The following ACOXL variants were observed in gnomAD, a reference collection of about 807,000 sequenced individuals.
The protein encoded by ACOXL is acyl-CoA oxidase like.
Under a neutral mutation model 71.9 loss-of-function variants are expected in ACOXL, and 70 were observed. The observed-to-expected ratio is 0.97, with a 90% CI of 0.80 to 1.19. The LOEUF (loss-of-function observed/expected upper bound fraction) is 1.19, where lower values mean the gene tolerates loss of function less well. Among genes scored for constraint, ACOXL ranks in the 50% most tolerant of loss-of-function variants. The probability of loss-of-function intolerance (pLI) is 0.00; values close to 1 mark genes in which losing one functional copy is unlikely to be tolerated. For synonymous variants in ACOXL, 253 were observed against 281.6 expected (o/e 0.90, Z 1.02); for missense variants, 703 against 736.3 (o/e 0.95, Z 0.52).
rs188403156 is a variant in ACOXL, at chr2:110,923,860, C to T, written c.906-9629C>T. On this transcript the variant is annotated intron_variant, in intron 11 of 17. Coordinates refer to ENST00000439055, the MANE Select transcript of ACOXL (RefSeq NM_001142807.4). The stretch of plus-strand genomic sequence containing the variant: ...CTGAGGCAGGAGAATTGCTTGAACT[C>T]AGGAGTCAGAGGTTGCAGTGAGCTG... Among the ~76,000 whole-genome samples, 306 of 151,584 alleles carry T rather than the reference C, an allele frequency of 2.0e-3. 2 individuals are homozygous for T. The highest frequency in any genetic ancestry group is 7.2e-3 in the African/African-American group (297 of 41,260).
chr2:110,859,694 G>A (rs1203610921), intron 10 of ACOXL, among the ~76,000 whole-genome samples: 1 of 152,198 alleles, frequency 6.6e-6, no homozygotes, highest in Non-Finnish European at 1.5e-5. Context: ...GCAAACAAGA[G>A]GGTTGGATGG....
chr2:111,111,024 TTGAG>T (rs139541361), intron 17 of ACOXL, among the ~76,000 whole-genome samples: 10,873 of 152,314 alleles, frequency 0.071, 518 homozygotes, highest in Non-Finnish European at 0.11. Context: ...TTATTCCTTC[TTGAG>T]TATGTTTGCA....
chr2:110,770,516 T>C (rs964349943), intron 2 of ACOXL, among the ~76,000 whole-genome samples: 3 of 152,220 alleles, frequency 2.0e-5, no homozygotes, highest in African/African-American at 7.2e-5. Context: ...AGATGGATGT[T>C]CACTTGGCAC....
At chr2:111,082,735 A>G (rs759789430) in intron 16 of ACOXL, among the ~76,000 whole-genome samples, 15 of 152,310 alleles carry the variant, frequency 9.8e-5, no homozygotes, top group East Asian at 1.9e-4. Context: ...ACATGCACAC[A>G]TATGTTTATT....
intron 11 of ACOXL, among the ~76,000 whole-genome samples, chr2:110,923,936 CAAA>C (rs937466509): frequency 8.1e-6 from 1 of 123,642 alleles, no homozygotes. Context: ...GACTCCATCT[CAAA>C]AAAAAAAAAA....
At chr2:110,998,439 C>G (rs1356657782) in intron 14 of ACOXL, among the ~76,000 whole-genome samples, 1 of 152,220 alleles carries the variant, frequency 6.6e-6, no homozygotes, top group Non-Finnish European at 1.5e-5. Flanking sequence ...CAAAGACACT[C>G]CAGTGCGGCT....
chr2:110,897,989 C>G (rs921955430), intron 10 of ACOXL, among the ~76,000 whole-genome samples: 1 of 151,940 alleles, frequency 6.6e-6, no homozygotes, highest in Non-Finnish European at 1.5e-5. Context: ...AAATTGAAAA[C>G]TTAGAGTAAA....
chr2:111,095,545 C>T (rs1042095364), intron 17 of ACOXL, among the ~76,000 whole-genome samples: 1 of 152,088 alleles, frequency 6.6e-6, no homozygotes, highest in African/African-American at 2.4e-5. Flanking sequence ...CACCCGCCAC[C>T]ATGCCTGACT....
Position 110,891,849 on chromosome 2 carries a change from T to C in ACOXL, c.789-16940T>C, listed in dbSNP as rs554405746. On this transcript the variant is annotated intron_variant, in intron 10 of 17. Coordinates refer to ENST00000439055, the MANE Select transcript of ACOXL (RefSeq NM_001142807.4). ...CCATGACAGGGGTGGTACAAGGACC[T>C]TGGCCTCCTGACTCTTGGCAGGTTC... 6.6e-4 allele frequency among the ~76,000 whole-genome samples: 100 copies of C among 152,134 alleles called. No homozygotes were observed. The Middle Eastern group carries it at 0.017, about 26-fold the overall frequency.
chr2:111,025,159 A>T (rs1442612464), intron 14 of ACOXL, among the ~76,000 whole-genome samples: 1 of 152,124 alleles, frequency 6.6e-6, no homozygotes, highest in East Asian at 1.9e-4. Context: ...GGAACAGCTT[A>T]GGTTTGTTCC....
chr2:110,889,708 T>C (rs1241864891), intron 10 of ACOXL, among the ~76,000 whole-genome samples: 3 of 152,234 alleles, frequency 2.0e-5, no homozygotes, highest in Non-Finnish European at 2.9e-5. Context: ...TATTCCTTTG[T>C]ATACCTATAC....
intron 10 of ACOXL, among the ~76,000 whole-genome samples, chr2:110,863,541 T>A (rs932077): frequency 0.3 from 45,972 of 151,896 alleles, 7,321 homozygotes; most frequent in Non-Finnish European, 0.35. Context: ...GGAAAAAAAA[T>A]TAAAAATAAG....
At chr2:111,105,741 T>G (rs1339856719) in intron 17 of ACOXL, among the ~76,000 whole-genome samples, 1 of 152,134 alleles carries the variant, frequency 6.6e-6, no homozygotes, top group Admixed American at 6.5e-5. Flanking sequence ...AATCTAGAAG[T>G]TCTTATAGAT....
At chr2:110,915,386 ATG>A (rs572051282) in intron 11 of ACOXL, among the ~76,000 whole-genome samples, 34 of 123,202 alleles carry the variant, frequency 2.8e-4, no homozygotes, top group East Asian at 1.7e-3. Context: ...GTGTGTATGT[ATG>A]TGTGTGTGTG....
intron 2 of ACOXL, among the ~76,000 whole-genome samples, chr2:110,782,285 C>T (rs1269293232): frequency 6.6e-6 from 1 of 151,932 alleles, no homozygotes; most frequent in Non-Finnish European, 1.5e-5. Flanking sequence ...GCTGCCATTT[C>T]AATGAGAGGT....
chr2:110,758,357 A>G (rs1325607846), intron 1 of ACOXL, among the ~76,000 whole-genome samples: 1 of 151,884 alleles, frequency 6.6e-6, no homozygotes, highest in Non-Finnish European at 1.5e-5. Context: ...TTTCCTTAGG[A>G]TTGTCTTGGT....
At chr2:111,092,836 C>A (rs757884064) in intron 16 of ACOXL, 29 bp from the exon 17 acceptor site, 11 of 1,486,224 alleles carry the variant, frequency 7.4e-6, no homozygotes, top group Non-Finnish European at 9.4e-6. Context: ...GCTATTTGTC[C>A]ATTTCTTTTG....
intron 9 of ACOXL, among the ~76,000 whole-genome samples, chr2:110,821,046 A>C (rs1372279996): frequency 3.3e-5 from 5 of 151,100 alleles, no homozygotes; most frequent in Non-Finnish European, 4.4e-5. Context: ...TGTATGGAAA[A>C]CTCTATGGCA....
At chr2:110,760,023 G>A (rs548999627) in intron 1 of ACOXL, among the ~76,000 whole-genome samples, 1 of 151,674 alleles carries the variant, frequency 6.6e-6, no homozygotes, top group East Asian at 1.9e-4. Flanking sequence ...CTGTATAAAA[G>A]CTATTGATTT....
Sources: gnomAD v4.1 joint callset for allele counts (sites outside exome capture counted in the v4.1 genomes callset) on GRCh38, gnomAD v4.1.1 for gene constraint, MANE v1.5 for transcripts, NCBI Gene and HGNC (gene_info 2026-07-23, HGNC 2026-07-21) for gene names.